Variants in FBXL17 observed in about 807,000 individuals in gnomAD.
FBXL17 encodes the protein F-box/LRR-repeat protein 17.
Under a neutral mutation model 66.2 loss-of-function variants are expected in FBXL17, and 22 were observed. The observed-to-expected ratio is 0.33, with a 90% CI of 0.24 to 0.47. The LOEUF (loss-of-function observed/expected upper bound fraction) is 0.47, where lower values mean the gene tolerates loss of function less well. Among genes scored for constraint, FBXL17 ranks in the 20% least tolerant of loss-of-function variants. The pLI, the probability that FBXL17 is intolerant of heterozygous loss-of-function variation, is 1.00. For synonymous variants in FBXL17, 474 were observed against 400.5 expected (o/e 1.18, Z -2.19); for missense variants, 878 against 948.2 (o/e 0.93, Z 0.97).
chr5:108,361,476 G>A (rs1168022549), intron 3 of FBXL17, among the ~76,000 whole-genome samples: 1 of 152,052 alleles, frequency 6.6e-6, no homozygotes, highest in Non-Finnish European at 1.5e-5. Context: ...CAAGCACACA[G>A]TGATAAAGTT....
chr5:108,367,268 C>A (rs1748725292), intron 2 of FBXL17, among the ~76,000 whole-genome samples: 1 of 151,908 alleles, frequency 6.6e-6, no homozygotes, highest in African/African-American at 2.4e-5. Context: ...CTAATTTATG[C>A]CCCTATATAA....
intron 4 of FBXL17, among the ~76,000 whole-genome samples, chr5:108,334,014 G>A (rs1325958893): frequency 6.6e-6 from 1 of 152,156 alleles, no homozygotes; most frequent in Admixed American, 6.5e-5. Flanking sequence ...GAAATGTAGA[G>A]TTTGATGACT....
chr5:108,157,520 A>G (rs1752041277), intron 6 of FBXL17, among the ~76,000 whole-genome samples: 1 of 151,718 alleles, frequency 6.6e-6, no homozygotes, highest in Admixed American at 6.6e-5. Context: ...GCTGTATTCT[A>G]CGAACAGTTT....
At chr5:108,133,480 C>T (rs1751014681) in intron 6 of FBXL17, among the ~76,000 whole-genome samples, 1 of 151,988 alleles carries the variant, frequency 6.6e-6, no homozygotes, top group Non-Finnish European at 1.5e-5. Flanking sequence ...TTATTTACTC[C>T]ATTCAGTCAT....
intron 7 of FBXL17, among the ~76,000 whole-genome samples, chr5:107,939,284 T>A (rs1051191537): frequency 6.6e-6 from 1 of 152,188 alleles, no homozygotes; most frequent in Non-Finnish European, 1.5e-5. Flanking sequence ...TGAATTCATA[T>A]AATTCTCCGT....
chr5:108,238,728 A>G (rs1755718375), intron 4 of FBXL17, among the ~76,000 whole-genome samples: 1 of 152,108 alleles, frequency 6.6e-6, no homozygotes, highest in Non-Finnish European at 1.5e-5. Context: ...CACGTTGCCC[A>G]GGCTGGTTTT....
intron 6 of FBXL17, among the ~76,000 whole-genome samples, chr5:108,047,542 C>A (rs1747301174): frequency 6.6e-6 from 1 of 152,180 alleles, no homozygotes; most frequent in Non-Finnish European, 1.5e-5. Flanking sequence ...ACACGCTAAG[C>A]TCCCTGGGTG....
chr5:108,222,223 G>A (rs954079664), intron 5 of FBXL17, among the ~76,000 whole-genome samples: 1 of 152,154 alleles, frequency 6.6e-6, no homozygotes, highest in Non-Finnish European at 1.5e-5. Flanking sequence ...AGCACTTACT[G>A]ATCTAATAAG....
rs999263535 is a variant in FBXL17 at position 107,860,067 on chromosome 5, G to C, written c.*1653C>G. On this transcript the variant is annotated 3_prime_UTR_variant, in exon 9 of 9. Transcript: ENST00000542267. ...CTGACTAGATTTTCCTAACCGATTG[G>C]GATTAAAACAAAAATGCCACATCAG... 1 of 151,894 alleles carries C rather than the reference G, an allele frequency of 6.6e-6. No individual in the cohort carries two copies. Among genetic ancestry groups the C allele is most frequent in the Non-Finnish European group, 1.5e-5 (1 of 67,974 alleles). 9.4% of individuals were successfully genotyped at this position (151,894 alleles called of 1,614,324 possible).
intron 6 of FBXL17, among the ~76,000 whole-genome samples, chr5:108,075,952 A>G (rs1358804956): frequency 6.6e-6 from 1 of 152,364 alleles, no homozygotes; most frequent in African/African-American, 2.4e-5. Flanking sequence ...ATGAGTATTC[A>G]TAAATTAAAG....
intron 6 of FBXL17, among the ~76,000 whole-genome samples, chr5:108,119,313 T>C (rs1056349024): frequency 2.0e-5 from 3 of 152,116 alleles, no homozygotes; most frequent in Non-Finnish European, 4.4e-5. Flanking sequence ...AACAAGCTCA[T>C]TCTATTCATA....
intron 8 of FBXL17, among the ~76,000 whole-genome samples, chr5:107,869,016 A>G (rs2112484829): frequency 6.6e-6 from 1 of 152,330 alleles, no homozygotes; most frequent in South Asian, 2.1e-4. Flanking sequence ...AGAGGGGTGA[A>G]GAAGATGGAC....
intron 7 of FBXL17, among the ~76,000 whole-genome samples, chr5:107,992,904 T>C (rs1753312581): frequency 6.7e-6 from 1 of 148,736 alleles, no homozygotes; most frequent in African/African-American, 2.5e-5. Flanking sequence ...TTCCTTCCTC[T>C]TTTTTTTTTG....
At chr5:108,185,114 C>T (rs1459612443) in intron 6 of FBXL17, among the ~76,000 whole-genome samples, 1 of 152,042 alleles carries the variant, frequency 6.6e-6, no homozygotes, top group Non-Finnish European at 1.5e-5. Flanking sequence ...TAAGAAAAAA[C>T]TTCTGATTCT....
chr5:108,222,250 A>C (rs1342794705), intron 5 of FBXL17, among the ~76,000 whole-genome samples: 2 of 152,160 alleles, frequency 1.3e-5, no homozygotes. Flanking sequence ...TTTGTCTTTA[A>C]TGAGTACAAT....
chr5:108,376,845 G>A (rs1045856413), intron 1 of FBXL17, among the ~76,000 whole-genome samples: 122 of 150,140 alleles, frequency 8.1e-4, no homozygotes, highest in African/African-American at 2.7e-3. Context: ...GGAGTGCAGC[G>A]GTGTGATCTC....
intron 5 of FBXL17, among the ~76,000 whole-genome samples, chr5:108,220,404 G>T (rs779998854): frequency 2.0e-4 from 30 of 152,126 alleles, no homozygotes; most frequent in Non-Finnish European, 4.3e-4. Context: ...GACAATCCCA[G>T]AGCTCCTCCT....
intron 6 of FBXL17, among the ~76,000 whole-genome samples, chr5:108,155,255 G>A (rs542532740): frequency 9.9e-5 from 15 of 152,228 alleles, no homozygotes; most frequent in Admixed American, 7.8e-4. Context: ...GGTGCCTCAC[G>A]TCTGTAATCC....
chr5:107,881,242 T>G (rs924888383), intron 7 of FBXL17, 63 bp from the exon 8 acceptor site: 16 of 945,402 alleles, frequency 1.7e-5, no homozygotes, highest in Non-Finnish European at 2.3e-5. Flanking sequence ...TATCTTATTA[T>G]GACTATTCAT....
Sources: gnomAD v4.1 joint callset for allele counts (sites outside exome capture counted in the v4.1 genomes callset) on GRCh38, gnomAD v4.1.1 for gene constraint, MANE v1.5 for transcripts, NCBI Gene and HGNC (gene_info 2026-07-23, HGNC 2026-07-21) for gene names.